DCAF8: variants seen among roughly 807,000 people sequenced by gnomAD.
DCAF8 encodes the protein DDB1 and CUL4 associated factor 8.
DCAF8 carries 20 observed loss-of-function variants against 68.0 expected under a neutral mutation model. That is an observed-to-expected ratio of 0.29 (90% CI 0.21 to 0.43). The LOEUF is 0.43. Among genes scored for constraint, DCAF8 ranks in the 20% least tolerant of loss-of-function variants. The pLI, the probability that DCAF8 is intolerant of heterozygous loss-of-function variation, is 1.00. For synonymous variants in DCAF8, 230 were observed against 276.9 expected (o/e 0.83, Z 1.68); for missense variants, 460 against 771.0 (o/e 0.60, Z 4.78).
At chr1:160,236,374 A>G (rs988112811) in intron 6 of DCAF8, among the ~76,000 whole-genome samples, 4 of 151,312 alleles carry the variant, frequency 2.6e-5, no homozygotes, top group East Asian at 1.9e-4. Flanking sequence ...ATATAAACAT[A>G]TATGTGTGTG....
chr1:160,258,946 CAG>C (rs780420589), intron 2 of DCAF8, among the ~76,000 whole-genome samples: 1 of 152,154 alleles, frequency 6.6e-6, no homozygotes, highest in Non-Finnish European at 1.5e-5. Context: ...CATGGATCTT[CAG>C]AGTTCATAAA....
At chr1:160,233,106 AAACAGAAAGAAATATAACCATGAC>A (rs1365817143) in intron 6 of DCAF8, among the ~76,000 whole-genome samples, 4 of 152,236 alleles carry the variant, frequency 2.6e-5, no homozygotes, top group African/African-American at 7.2e-5. Context: ...GATGCTATGG[AAACAGAAAGAAATATAACCATGAC>A]AACAAGTTTC....
At position 160,217,327 on chromosome 1, in the gene DCAF8, TC is replaced by T. The variant is rs1298999818; in HGVS notation, c.*264del. On this transcript the variant is annotated 3_prime_UTR_variant, in exon 14 of 14. Coordinates refer to ENST00000368074, the MANE Select transcript of DCAF8 (RefSeq NM_015726.4). ...TAACAAAATAGGCTTCCCTCTCCTC[TC>T]AAAAAGAGGCTTTGGGGAGAGGCCA... is the stretch of plus-strand genomic sequence containing the variant. 1.1e-5 allele frequency: 4 copies of T among 350,472 alleles called. No homozygotes were observed. The highest frequency in any genetic ancestry group is 2.0e-5 in the Non-Finnish European group (4 of 195,794). 21.7% of individuals were successfully genotyped at this position (350,472 alleles called of 1,614,324 possible).
At position 160,239,925 on chromosome 1, in the gene DCAF8, T is replaced by C; in HGVS notation, c.495A>G (p.Ser165=). Residue 165 remains serine (S), a synonymous_variant, in exon 4 of 14, where the codon TCA becomes TCG. Transcript: ENST00000368074. ...LPALRERELG[S]SARFVYEACG... Reference sequence around the variant, plus strand: ...AGGCCTCATAGACAAAGCGGGCACTTGAACCCAGCTCCCGCTCCCGAAGGG... The same window carrying C: ...AGGCCTCATAGACAAAGCGGGCACTCGAACCCAGCTCCCGCTCCCGAAGGG... The C allele has an allele frequency of 6.2e-7, 1 of 1,614,240 alleles. No individual in the cohort carries two copies.
Position 160,240,182 on chromosome 1 carries a change from TGTCAGA to T in DCAF8, c.232_237del (p.Asp79_Ser80del), listed in dbSNP as rs779837597. The T allele has an allele frequency of 2.1e-5, 34 of 1,614,110 alleles. No individual in the cohort carries two copies. In the South Asian group the frequency reaches 3.7e-4, roughly 18 times the overall value. ...GAGTAATGACCAGTGTCCTCCATGC[TGTCAGA>T]GTCCTTATCTTCACCTGAGCTCTCT... On this transcript the variant is annotated inframe_deletion, in exon 4 of 14. Transcript: ENST00000368074.
At chr1:160,227,434 T>G (rs930908568) in intron 7 of DCAF8, among the ~76,000 whole-genome samples, 2 of 152,182 alleles carry the variant, frequency 1.3e-5, no homozygotes, top group Non-Finnish European at 2.9e-5. Context: ...TGAGCTAATA[T>G]TTTTATTTTT....
intron 1 of DCAF8, chr1:160,262,117 C>G: frequency 2.6e-6 from 1 of 385,026 alleles, no homozygotes; most frequent in Non-Finnish European, 4.6e-6. Context: ...CAGGGCTGAC[C>G]TGAGGAAAGG....
At chr1:160,225,200 A>C in intron 8 of DCAF8, 81 bp from the exon 9 acceptor site, 1 of 1,298,858 alleles carries the variant, frequency 7.7e-7, no homozygotes, top group Non-Finnish European at 1.1e-6. Context: ...TTTCCTTCAA[A>C]CTCCCCTATA....
At chr1:160,248,103 C>T (rs975893295) in intron 2 of DCAF8, among the ~76,000 whole-genome samples, 26 of 151,778 alleles carry the variant, frequency 1.7e-4, no homozygotes, top group African/African-American at 6.0e-4. Context: ...GTCAGGAGTT[C>T]GAGATCAGCC....
chr1:160,221,778 T>C (rs1367453923), intron 11 of DCAF8, among the ~76,000 whole-genome samples: 1 of 109,740 alleles, frequency 9.1e-6, no homozygotes, highest in Non-Finnish European at 1.8e-5. Flanking sequence ...AAAAACCTTG[T>C]AACAGAAAGC....
chr1:160,219,926 G>A (rs1655243195), intron 11 of DCAF8: 1 of 152,244 alleles, frequency 6.6e-6, no homozygotes, highest in Non-Finnish European at 1.5e-5. Flanking sequence ...CCTTGCAGCT[G>A]GACCTATAGT....
chr1:160,226,000 C>T (rs1001001329), intron 7 of DCAF8, among the ~76,000 whole-genome samples: 3 of 152,144 alleles, frequency 2.0e-5, no homozygotes, highest in South Asian at 4.1e-4. Context: ...CACACCACCA[C>T]GCCCGGCCAA....
At chr1:160,219,481 G>C (rs867195745) in intron 11 of DCAF8, 3 of 153,718 alleles carry the variant, frequency 2.0e-5, no homozygotes, top group African/African-American at 7.2e-5. Context: ...GAAGGCACAG[G>C]CTGAGAAGAG....
intron 11 of DCAF8, among the ~76,000 whole-genome samples, chr1:160,221,366 T>C (rs1192195259): frequency 6.6e-6 from 1 of 151,974 alleles, no homozygotes. Flanking sequence ...TATGGAAGAG[T>C]TGGAAATGAA....
At position 160,242,569 on chromosome 1, in the gene DCAF8, G is replaced by A. The variant is rs1656160338; in HGVS notation, c.49+1391C>T. On this transcript the variant is annotated intron_variant, in intron 3 of 13. Transcript: ENST00000368074. ...GAGGCCTTACCACATTAACATAAGG[G>A]CCAGAGGGTATCACAAGCTCATCAA... 2.0e-5 allele frequency among the ~76,000 whole-genome samples: 3 copies of A among 152,108 alleles called. No individual in the cohort carries two copies. In the South Asian group the frequency reaches 6.2e-4, roughly 32 times the overall value.
intron 3 of DCAF8, among the ~76,000 whole-genome samples, chr1:160,242,503 T>A (rs975891812): frequency 6.6e-6 from 1 of 152,180 alleles, no homozygotes; most frequent in African/African-American, 2.4e-5. Flanking sequence ...ACATCTAGTG[T>A]TTATTGTTAA....
chr1:160,227,349 TG>T (rs1655512911), intron 7 of DCAF8, among the ~76,000 whole-genome samples: 1 of 152,148 alleles, frequency 6.6e-6, no homozygotes, highest in Non-Finnish European at 1.5e-5. Context: ...ACTTAAGCCT[TG>T]ACATCCCCAG....
chr1:160,245,452 A>G (rs1656284378), intron 2 of DCAF8, among the ~76,000 whole-genome samples: 1 of 152,168 alleles, frequency 6.6e-6, no homozygotes, highest in Non-Finnish European at 1.5e-5. Flanking sequence ...CCTCATCCTT[A>G]TCTTTTCCTC....
chr1:160,218,989 A>G, intron 11 of DCAF8, 21 bp from the exon 12 acceptor site: 1 of 1,613,832 alleles, frequency 6.2e-7, no homozygotes, highest in South Asian at 1.1e-5. Flanking sequence ...AGAAAGGAAA[A>G]CACAGACTCA....
Sources: gnomAD v4.1 joint callset for allele counts (sites outside exome capture counted in the v4.1 genomes callset) on GRCh38, gnomAD v4.1.1 for gene constraint, MANE v1.5 for transcripts, NCBI Gene and HGNC (gene_info 2026-07-23, HGNC 2026-07-21) for gene names.